Variants in CD1B observed in about 807,000 individuals in gnomAD.
CD1B encodes the protein T-cell surface glycoprotein CD1b.
CD1B carries 43 observed loss-of-function variants against 39.8 expected under a neutral mutation model. That is an observed-to-expected ratio of 1.08 (90% confidence interval 0.85 to 1.39). CD1B has a LOEUF of 1.39. Among genes scored for constraint, CD1B ranks in the 40% most tolerant of loss-of-function variants. The probability of loss-of-function intolerance (pLI) is 0.00; values close to 1 mark genes in which losing one functional copy is unlikely to be tolerated. For synonymous variants in CD1B, 192 were observed against 152.5 expected (o/e 1.26, Z -1.91); for missense variants, 495 against 403.8 (o/e 1.23, Z -1.94).
chr1:158,329,074 G>T, intron 4 of CD1B, 60 bp from the exon 5 acceptor site: 2 of 1,362,938 alleles, frequency 1.5e-6, no homozygotes, highest in Non-Finnish European at 2.1e-6. Context: ...GAATTCCTTG[G>T]CCTTCCTTTG....
chr1:158,289,952 T>G, the CD1B span: 1 of 891,212 alleles, frequency 1.1e-6, no homozygotes, highest in Non-Finnish European at 1.8e-6. Flanking sequence ...CAGCGGCTGA[T>G]GGGGAAGATT....
the CD1B span, among the ~76,000 whole-genome samples, chr1:158,306,492 C>T: frequency 2.6e-5 from 4 of 152,154 alleles, no homozygotes; most frequent in Non-Finnish European, 5.9e-5. Context: ...GAGATTTTAA[C>T]ACCCCACTGT....
At chr1:158,292,379 G>T in the CD1B span, 20 of 1,604,772 alleles carry the variant, frequency 1.2e-5, no homozygotes, top group African/African-American at 1.9e-4. Context: ...AGTAGTTTCA[G>T]CCCCTTCCTC....
At chr1:158,319,896 T>A in the CD1B span, among the ~76,000 whole-genome samples, 1 of 152,182 alleles carries the variant, frequency 6.6e-6, no homozygotes, top group Non-Finnish European at 1.5e-5. Flanking sequence ...GACCCTCAGC[T>A]GCAGGTCTGT....
Position 158,329,947 on chromosome 1 carries a change from C to A in CD1B, c.512G>T (p.Gly171Val). Residue 171 changes from glycine (G) to valine (V), a missense_variant, in exon 3 of 6, where the codon GGT becomes GTT. Physicochemically the swap from Gly to Val is moderately radical, Grantham distance 109. Coordinates refer to ENST00000368168, the MANE Select transcript of CD1B (RefSeq NM_001764.3). ...KFCALIIQYQ[G>V]IMETVRILLY... is the part of the protein sequence containing the mutation. ...GAGAATTCTCACAGTTTCCATGATACCTTGATATTGTATGATTAGTGCACA... is the reference window on the plus strand; with the variant it reads ...GAGAATTCTCACAGTTTCCATGATAACTTGATATTGTATGATTAGTGCACA... The A allele has an allele frequency of 1.2e-6, 2 of 1,614,076 alleles. No individual in the cohort carries two copies. The highest frequency in any genetic ancestry group is 1.7e-6 in the Non-Finnish European group (2 of 1,180,012).
At chr1:158,316,708 G>T in the CD1B span, among the ~76,000 whole-genome samples, 1 of 150,964 alleles carries the variant, frequency 6.6e-6, no homozygotes, top group Non-Finnish European at 1.5e-5. Flanking sequence ...AATAGGAGTG[G>T]TGAGAGAGGG....
the CD1B span, chr1:158,293,659 A>G: frequency 1.3e-5 from 19 of 1,413,246 alleles, no homozygotes; most frequent in Middle Eastern, 1.7e-4. Flanking sequence ...CACTTTTTAT[A>G]TAGCACTCAA....
In CD1B at chr1:158,328,242, G is replaced by T. The variant is rs1432786413; in HGVS notation, c.996C>A (p.Ile332=). Residue 332 remains isoleucine, a synonymous_variant, in exon 6 of 6, where the codon ATC becomes ATA. Coordinates refer to ENST00000368168, the MANE Select transcript of CD1B (RefSeq NM_001764.3). The part of the protein sequence containing the change: ...WYMRRRSYQN[I]P ...GAGGAGACATGATGATGGCTCATGG[G>T]ATATTCTGATATGACCTGTTAAAAA... is the stretch of plus-strand genomic sequence containing the variant. 1 of 1,611,912 alleles carries T rather than the reference G, an allele frequency of 6.2e-7. No individual in the cohort carries two copies. Among genetic ancestry groups the T allele is most frequent in the Non-Finnish European group, 8.5e-7 (1 of 1,178,442 alleles).
At chr1:158,292,825 T>A in the CD1B span, 14 of 1,614,154 alleles carry the variant, frequency 8.7e-6, no homozygotes, top group Non-Finnish European at 1.2e-5. Flanking sequence ...GCCTGTCTTG[T>A]CGAGTGAGAC....
the CD1B span, among the ~76,000 whole-genome samples, chr1:158,305,132 C>T: frequency 3.3e-5 from 5 of 152,042 alleles, no homozygotes; most frequent in Admixed American, 3.3e-4. Flanking sequence ...GACGATCAAA[C>T]TACTCCGAGC....
At chr1:158,308,645 G>A in the CD1B span, among the ~76,000 whole-genome samples, 1 of 152,094 alleles carries the variant, frequency 6.6e-6, no homozygotes. Flanking sequence ...ATAGAACAAT[G>A]GAACAGAACA....
At chr1:158,296,040 A>G in the CD1B span, among the ~76,000 whole-genome samples, 1 of 151,586 alleles carries the variant, frequency 6.6e-6, no homozygotes, top group South Asian at 2.1e-4. Context: ...TGGACCTTCT[A>G]CCCTGCTGCC....
the CD1B span, among the ~76,000 whole-genome samples, chr1:158,321,902 T>G: frequency 2.0e-5 from 3 of 152,194 alleles, no homozygotes; most frequent in Non-Finnish European, 4.4e-5. Context: ...CTATTCTTCC[T>G]GATCTTCTCC....
chr1:158,290,813 G>A, the CD1B span, among the ~76,000 whole-genome samples: 7 of 152,264 alleles, frequency 4.6e-5, no homozygotes, highest in African/African-American at 7.2e-5. Context: ...TCTCCTCCCC[G>A]GTGGTGACAA....
the CD1B span, among the ~76,000 whole-genome samples, chr1:158,288,595 G>A: frequency 1.5e-4 from 23 of 152,108 alleles, no homozygotes; most frequent in African/African-American, 5.6e-4. Context: ...GTCTAACTTT[G>A]TTGCCCAGGC....
chr1:158,311,493 A>G, the CD1B span, among the ~76,000 whole-genome samples: 11 of 152,064 alleles, frequency 7.2e-5, 1 homozygote, highest in South Asian at 2.3e-3. Flanking sequence ...TGCTGTGCAG[A>G]GCTTGTTAGT....
chr1:158,287,516 T>C, the CD1B span, among the ~76,000 whole-genome samples: 5 of 151,720 alleles, frequency 3.3e-5, no homozygotes, highest in Admixed American at 2.6e-4. Flanking sequence ...TTTGGGAGGG[T>C]ACACAAACTT....
chr1:158,330,607 G>A, intron 2 of CD1B, 189 bp downstream of exon 2: 2 of 730,432 alleles, frequency 2.7e-6, no homozygotes, highest in Non-Finnish European at 5.0e-6. Context: ...AGAGTGCAGA[G>A]GCAGCAAGAA....
chr1:158,316,198 G>T, the CD1B span, among the ~76,000 whole-genome samples: 8 of 152,062 alleles, frequency 5.3e-5, no homozygotes, highest in East Asian at 1.9e-4. Context: ...GTGAAGAAAG[G>T]CATTGGTAGC....
Sources: allele counts gnomAD v4.1 joint callset (sites outside exome capture counted in the v4.1 genomes callset), GRCh38; gene constraint gnomAD v4.1.1; transcripts MANE v1.5; gene names NCBI Gene and HGNC (gene_info 2026-07-23, HGNC 2026-07-21).